Variants in TLN2 observed in about 807,000 individuals in gnomAD.
TLN2 encodes talin-2.
Under a neutral mutation model 294.7 loss-of-function variants are expected in TLN2, and 118 were observed. The observed-to-expected ratio is 0.40, with a 90% CI of 0.34 to 0.47. TLN2 has a LOEUF of 0.47. TLN2 is among the 20% of genes least tolerant of loss of function. TLN2 has a pLI of 0.84. For synonymous variants in TLN2, 1,431 were observed against 1,304.5 expected, an observed-to-expected ratio of 1.10 and a Z score of -2.09; for missense variants, 3,083 against 3,282.2, an observed-to-expected ratio of 0.94 and a Z score of 1.48.
chr15:62,546,177 A>T (rs950234528), intron 1 of TLN2, among the ~76,000 whole-genome samples: 3 of 152,036 alleles, frequency 2.0e-5, no homozygotes, highest in African/African-American at 7.2e-5. Context: ...TGTCTTCACT[A>T]CCTCTGACGG....
chr15:62,724,734 C>T (rs935001334), intron 26 of TLN2, among the ~76,000 whole-genome samples: 4 of 152,042 alleles, frequency 2.6e-5, no homozygotes, highest in African/African-American at 9.7e-5. Flanking sequence ...AGGGTCACTT[C>T]CGGAACTCTT....
At chr15:62,781,016 T>C in intron 43 of TLN2, 124 bp from the exon 44 acceptor site, 1 of 689,014 alleles carries the variant, frequency 1.5e-6, no homozygotes, top group African/African-American at 1.8e-5. Context: ...GGTAATTGAG[T>C]TGACACTGGG....
intron 48 of TLN2, among the ~76,000 whole-genome samples, chr15:62,799,253 A>T (rs2065756203): frequency 6.6e-6 from 1 of 152,140 alleles, no homozygotes; most frequent in South Asian, 2.1e-4. Flanking sequence ...CCACTCGAAA[A>T]GGCAGTGGCG....
chr15:62,464,342 A>G (rs185319741), intron 1 of TLN2, among the ~76,000 whole-genome samples: 1 of 152,144 alleles, frequency 6.6e-6, no homozygotes. Flanking sequence ...CAAACACTAC[A>G]TGTTCTCACT....
intron 1 of TLN2, among the ~76,000 whole-genome samples, chr15:62,522,770 A>C (rs2040525245): frequency 6.7e-6 from 1 of 149,556 alleles, no homozygotes; most frequent in Non-Finnish European, 1.5e-5. Context: ...GACGACTCCC[A>C]GGCGTCAATT....
chr15:62,574,403 C>T (rs920904402), intron 1 of TLN2, among the ~76,000 whole-genome samples: 1 of 151,104 alleles, frequency 6.6e-6, no homozygotes. Flanking sequence ...TAGCTAGACC[C>T]CGCCTCTTCA....
rs1273266034 is a variant in TLN2, at chr15:62,841,219, AC to A, written c.*612del. On this transcript the variant is annotated 3_prime_UTR_variant, in exon 59 of 59. Coordinates refer to ENST00000636159, the MANE Select transcript of TLN2 (RefSeq NM_015059.3). ...TGTGTAAGCTCCTTGTACAACCCAG[AC>A]CCATCTTGTATTTTGTGGCCCAGAA... 1 of 152,636 alleles carries A rather than the reference AC, an allele frequency of 6.6e-6. No homozygotes were observed. The highest frequency in any genetic ancestry group is 1.5e-5 in the Non-Finnish European group (1 of 68,122). The allele number at this position is 152,636 out of a possible 1,614,324, so 9.5% of individuals were successfully genotyped here. A position where few individuals can be genotyped will look rare whatever the true frequency, so the allele number is the denominator to read the frequency against.
chr15:62,827,269 G>GGAA (rs1212738680), intron 54 of TLN2, among the ~76,000 whole-genome samples: 1 of 152,194 alleles, frequency 6.6e-6, no homozygotes, highest in Admixed American at 6.5e-5. Flanking sequence ...AGTGAGCAGG[G>GGAA]GAAGTGGGTA....
intron 1 of TLN2, among the ~76,000 whole-genome samples, chr15:62,422,603 A>G (rs561200393): frequency 2.8e-4 from 42 of 152,310 alleles, no homozygotes; most frequent in Admixed American, 1.9e-3. Flanking sequence ...CGAAGGTACC[A>G]GGGATACCTT....
intron 1 of TLN2, among the ~76,000 whole-genome samples, chr15:62,506,358 C>G (rs1365043394): frequency 6.6e-6 from 1 of 152,160 alleles, no homozygotes; most frequent in Non-Finnish European, 1.5e-5. Flanking sequence ...AGTGAGGAGA[C>G]TCTGCTATGG....
intron 1 of TLN2, among the ~76,000 whole-genome samples, chr15:62,467,476 T>G (rs111402789): frequency 0.027 from 4,048 of 152,172 alleles, 52 homozygotes; most frequent in Non-Finnish European, 0.031. Flanking sequence ...GTGGATCACC[T>G]GAGGTCAGGA....
At chr15:62,426,127 C>G (rs1566961988) in intron 1 of TLN2, among the ~76,000 whole-genome samples, 1 of 152,176 alleles carries the variant, frequency 6.6e-6, no homozygotes, top group Non-Finnish European at 1.5e-5. Context: ...TTCTAAGACC[C>G]TGCCTGAGGA....
chr15:62,637,471 C>G (rs563595928), intron 3 of TLN2: 2 of 152,298 alleles, frequency 1.3e-5, no homozygotes, highest in Admixed American at 1.3e-4. Flanking sequence ...CGAGAGCTGA[C>G]ACAGCCTTCT....
At chr15:62,655,223 T>TTA (rs1206189520) in intron 7 of TLN2, among the ~76,000 whole-genome samples, 2 of 152,206 alleles carry the variant, frequency 1.3e-5, no homozygotes, top group Non-Finnish European at 2.9e-5. Flanking sequence ...CTCAGGTTGC[T>TTA]TATAATCTAG....
intron 1 of TLN2, among the ~76,000 whole-genome samples, chr15:62,560,161 A>G (rs1187061825): frequency 6.6e-6 from 1 of 152,248 alleles, no homozygotes; most frequent in Non-Finnish European, 1.5e-5. Flanking sequence ...TGGGCAGACC[A>G]CAAAACACAT....
intron 1 of TLN2, among the ~76,000 whole-genome samples, chr15:62,470,066 T>A (rs1384511661): frequency 6.6e-6 from 1 of 152,148 alleles, no homozygotes; most frequent in African/African-American, 2.4e-5. Flanking sequence ...TCAGGAAAAG[T>A]AAAGGCCTGC....
chr15:62,563,689 A>G (rs1433693223), intron 1 of TLN2, among the ~76,000 whole-genome samples: 1 of 152,120 alleles, frequency 6.6e-6, no homozygotes, highest in Non-Finnish European at 1.5e-5. Context: ...AAGGTCTCCC[A>G]TTCCTGTTTC....
chr15:62,598,028 G>C (rs547924199), intron 2 of TLN2, among the ~76,000 whole-genome samples: 5 of 152,224 alleles, frequency 3.3e-5, no homozygotes, highest in East Asian at 1.9e-4. Flanking sequence ...AATCACCCCA[G>C]GCTGTCGTGT....
intron 19 of TLN2, among the ~76,000 whole-genome samples, chr15:62,703,621 AC>A (rs2058860608): frequency 6.8e-5 from 10 of 147,416 alleles, no homozygotes; most frequent in Admixed American, 4.7e-4. Flanking sequence ...ACACACACAC[AC>A]GCGCGCACAC....
Sources: allele counts gnomAD v4.1 joint callset (sites outside exome capture counted in the v4.1 genomes callset), GRCh38; gene constraint gnomAD v4.1.1; transcripts MANE v1.5; gene names NCBI Gene and HGNC (gene_info 2026-07-23, HGNC 2026-07-21).